The following ZNF487 variants were observed in gnomAD, a reference collection of about 807,000 sequenced individuals.
ZNF487 encodes the protein KRAB domain only 1.
In ZNF487, 4 loss-of-function variants were observed where a neutral mutation model predicts 3.0. That is an observed-to-expected ratio of 1.35 (90% confidence interval 0.66 to 3.08). The LOEUF (loss-of-function observed/expected upper bound fraction) is 3.08. Ranked by LOEUF, ZNF487 falls within the 30% of genes most tolerant of loss-of-function variation. The pLI is 0.01. For missense variants in ZNF487, 146 were observed against 98.7 expected (o/e 1.48, Z -2.03); for synonymous variants, 55 against 34.6 (o/e 1.59, Z -2.06).
intron 1 of ZNF487, among the ~76,000 whole-genome samples, chr10:43,466,058 C>T (rs1424211983): frequency 6.6e-6 from 1 of 152,272 alleles, no homozygotes; most frequent in East Asian, 1.9e-4. Flanking sequence ...CGTGGCGGTG[C>T]GCGCCTGCAA....
chr10:43,487,350 A>G (rs1841479259), downstream of ZNF487, among the ~76,000 whole-genome samples: 1 of 151,866 alleles, frequency 6.6e-6, no homozygotes, highest in Non-Finnish European at 1.5e-5. Flanking sequence ...CGTATTAGCC[A>G]GGATGGTCTC....
At chr10:43,478,500 C>T (rs1220946282) in intron 3 of ZNF487, among the ~76,000 whole-genome samples, 1 of 152,180 alleles carries the variant, frequency 6.6e-6, no homozygotes, top group Non-Finnish European at 1.5e-5. Flanking sequence ...TTGTGGTAAG[C>T]TGAGATTGCG....
At chr10:43,465,118 T>TCCC (rs1840632032) in intron 1 of ZNF487, among the ~76,000 whole-genome samples, 1 of 127,556 alleles carries the variant, frequency 7.8e-6, no homozygotes, top group Non-Finnish European at 1.6e-5. Flanking sequence ...CCCTCCCGGA[T>TCCC]GGGGCGGCTG....
At chr10:43,454,535 A>C (rs1365010225) in intron 1 of ZNF487, 1 of 152,186 alleles carries the variant, frequency 6.6e-6, no homozygotes, top group Non-Finnish European at 1.5e-5. Flanking sequence ...TTTTATATTC[A>C]ATGTTGTTGA....
chr10:43,442,199 G>A (rs923821327), intron 1 of ZNF487, among the ~76,000 whole-genome samples: 8 of 151,524 alleles, frequency 5.3e-5, no homozygotes, highest in African/African-American at 1.7e-4. Context: ...CACTAACACT[G>A]TACCCTAGCC....
chr10:43,522,001 G>C, the ZNF487 span, among the ~76,000 whole-genome samples: 103,952 of 151,776 alleles, frequency 0.68, 35,959 homozygotes, highest in East Asian at 1. Context: ...GCTATGACAG[G>C]TTCATTAATG....
At chr10:43,496,841 A>G in the ZNF487 span, among the ~76,000 whole-genome samples, 1 of 152,102 alleles carries the variant, frequency 6.6e-6, no homozygotes, top group East Asian at 1.9e-4. Context: ...TCTTTTTTTA[A>G]GACTTTTATT....
In ZNF487 at chr10:43,481,711, T is replaced by C. The variant is rs1234038448; in HGVS notation, c.413T>C (p.Leu138Pro). The change falls in exon 4 of 4, where the codon CTC (leucine) becomes CCC (proline). Residue 138 changes from leucine to proline, a missense_variant. Physicochemically the swap from Leu to Pro is moderately conservative, Grantham distance 98. Coordinates refer to ENST00000437590, the MANE Select transcript of ZNF487 (RefSeq NM_001355444.3). ...AECNVRGKFL[L>P]CMKRENPYAR... ...TGTAATGTACGTGGGAAATTTCTCC[T>C]CTGTATGAAGCGTGAGAATCCTTAT... 1.4e-6 allele frequency: 1 copy of C among 715,216 alleles called. No homozygotes were observed. Among genetic ancestry groups the C allele is most frequent in the Admixed American group, 2.0e-5 (1 of 49,532 alleles). 44.3% of individuals were successfully genotyped at this position (715,216 alleles called of 1,614,324 possible). A position where few individuals can be genotyped will look rare whatever the true frequency, so the allele number is the denominator to read the frequency against.
At chr10:43,468,541 T>C (rs1238157336) in intron 1 of ZNF487, among the ~76,000 whole-genome samples, 1 of 151,438 alleles carries the variant, frequency 6.6e-6, no homozygotes, top group African/African-American at 2.4e-5. Flanking sequence ...TAGCCGGCCA[T>C]GGTGGCACAT....
At chr10:43,502,242 T>C in the ZNF487 span, among the ~76,000 whole-genome samples, 24 of 152,330 alleles carry the variant, frequency 1.6e-4, no homozygotes, top group East Asian at 1.3e-3. Flanking sequence ...GGGACATGGA[T>C]GAAGCTGGAA....
At chr10:43,463,427 A>G (rs1333480710) in intron 1 of ZNF487, among the ~76,000 whole-genome samples, 3 of 142,996 alleles carry the variant, frequency 2.1e-5, no homozygotes, top group Non-Finnish European at 4.6e-5. Flanking sequence ...AGTCCCAGCT[A>G]CTCGGGAGGC....
chr10:43,464,893 C>T (rs1277659513), intron 1 of ZNF487, among the ~76,000 whole-genome samples: 1 of 152,198 alleles, frequency 6.6e-6, no homozygotes, highest in African/African-American at 2.4e-5. Context: ...GGTACACCTC[C>T]CAGACGGGGT....
rs778493718 is a variant in ZNF487, at chr10:43,475,849, T to C, written c.34+2T>C. The C allele has an allele frequency of 1.3e-6, 1 of 770,818 alleles. No homozygotes were observed. The highest frequency in any genetic ancestry group is 1.7e-5 in the African/African-American group (1 of 58,722). 47.7% of individuals were successfully genotyped at this position (770,818 alleles called of 1,614,324 possible). On this transcript the variant is annotated splice_donor_variant, in intron 2 of 3. Transcript: ENST00000437590. LOFTEE classifies it high-confidence loss of function. ...ACTACAGCCTCCTCCTCTCAGTGGG[T>C]AAGGATTATGTAATTTGCAGCTTCA... is the stretch of plus-strand genomic sequence containing the variant.
intron 1 of ZNF487, among the ~76,000 whole-genome samples, chr10:43,462,429 C>G (rs1375073754): frequency 1.3e-5 from 2 of 150,312 alleles, no homozygotes; most frequent in African/African-American, 4.9e-5. Flanking sequence ...TTTGTGGAAA[C>G]CCGGCATTGA....
At position 43,442,915 on chromosome 10, in the gene ZNF487, G is replaced by A. The variant is rs1839668842; in HGVS notation, c.-94+5653G>A. 2.0e-5 allele frequency among the ~76,000 whole-genome samples: 3 copies of A among 151,980 alleles called. No homozygotes were observed. In the South Asian group the frequency reaches 6.2e-4, roughly 32 times the overall value. On this transcript the variant is annotated intron_variant, in intron 1 of 3. Coordinates refer to ENST00000437590, the MANE Select transcript of ZNF487 (RefSeq NM_001355444.3). Reference sequence around the variant, plus strand: ...ATTTAAAGTATTTTTTAAATTTATAGCTTAGTAATTTTTTCAATTATTACA... The same window carrying A: ...ATTTAAAGTATTTTTTAAATTTATAACTTAGTAATTTTTTCAATTATTACA...
the ZNF487 span, among the ~76,000 whole-genome samples, chr10:43,514,588 A>T: frequency 2.0e-5 from 3 of 152,256 alleles, no homozygotes; most frequent in East Asian, 1.9e-4. Flanking sequence ...GCTCTACATT[A>T]GTCAGGATCT....
chr10:43,522,603 G>A, the ZNF487 span, among the ~76,000 whole-genome samples: 43 of 152,046 alleles, frequency 2.8e-4, no homozygotes, highest in Non-Finnish European at 4.6e-4. Context: ...GCACGGTGGC[G>A]GGTGCCTGTA....
At chr10:43,466,405 T>C (rs1337415438) in intron 1 of ZNF487, among the ~76,000 whole-genome samples, 1 of 148,906 alleles carries the variant, frequency 6.7e-6, no homozygotes, top group African/African-American at 2.5e-5. Flanking sequence ...TTTCTTTCTT[T>C]CTTTTTTTTT....
At chr10:43,515,810 C>T in the ZNF487 span, among the ~76,000 whole-genome samples, 5 of 152,140 alleles carry the variant, frequency 3.3e-5, no homozygotes, top group South Asian at 4.1e-4. Context: ...GAGTCTCGCT[C>T]GGCCGCCAGG....
Sources: allele counts gnomAD v4.1 joint callset (sites outside exome capture counted in the v4.1 genomes callset), GRCh38; gene constraint gnomAD v4.1.1; transcripts MANE v1.5; gene names NCBI Gene and HGNC (gene_info 2026-07-23, HGNC 2026-07-21).